The following GOLM2 variants were observed in gnomAD, a reference collection of about 807,000 sequenced individuals.
GOLM2 encodes the protein protein GOLM2.
Under a neutral mutation model 55.9 loss-of-function variants are expected in GOLM2, and 26 were observed. The ratio of observed to expected loss-of-function variants is 0.47; its 90% confidence interval spans 0.34 to 0.65. The LOEUF is 0.65. Among genes scored for constraint, GOLM2 ranks in the 30% least tolerant of loss-of-function variants. The pLI is 0.01. For synonymous variants in GOLM2, 165 were observed against 194.6 expected (o/e 0.85, Z 1.27); for missense variants, 486 against 531.8 (o/e 0.91, Z 0.85).
At chr15:44,350,625 G>A (rs1252594388) in intron 6 of GOLM2, among the ~76,000 whole-genome samples, 1 of 152,180 alleles carries the variant, frequency 6.6e-6, no homozygotes, top group Non-Finnish European at 1.5e-5. Context: ...CATTCTAGGA[G>A]ACGAGTAATA....
At chr15:44,321,280 T>C (rs560630408) in intron 1 of GOLM2, among the ~76,000 whole-genome samples, 1 of 152,112 alleles carries the variant, frequency 6.6e-6, no homozygotes, top group Admixed American at 6.5e-5. Flanking sequence ...AAGAACAGCC[T>C]GGACAACATA....
At chr15:44,390,408 A>G (rs775196493) in intron 8 of GOLM2, 2 of 152,194 alleles carry the variant, frequency 1.3e-5, no homozygotes, top group African/African-American at 2.4e-5. Context: ...TCCAAACAGT[A>G]GGGAGTGATT....
intron 6 of GOLM2, among the ~76,000 whole-genome samples, chr15:44,340,002 T>G (rs1470883914): frequency 1.3e-5 from 2 of 151,672 alleles, no homozygotes; most frequent in Non-Finnish European, 2.9e-5. Context: ...ATAGTTTTTT[T>G]GTAGAGATAA....
chr15:44,326,657 T>G (rs912076473), intron 2 of GOLM2, among the ~76,000 whole-genome samples: 29 of 149,748 alleles, frequency 1.9e-4, no homozygotes, highest in Admixed American at 3.3e-4. Flanking sequence ...ATTTATAGTT[T>G]TTTTTTTTTT....
At position 44,337,837 on chromosome 15, in the gene GOLM2, T is replaced by G; in HGVS notation, c.651T>G (p.Ile217Met). 6.2e-7 allele frequency: 1 copy of G among 1,605,478 alleles called. No individual in the cohort carries two copies. Among genetic ancestry groups the G allele is most frequent in the Non-Finnish European group, 8.5e-7 (1 of 1,177,828 alleles). The change falls in exon 5 of 10, where the codon ATT becomes ATG. Residue 217 changes from isoleucine to methionine, a missense_variant. Coordinates refer to ENST00000299957, the MANE Select transcript of GOLM2 (RefSeq NM_138423.4). ...ACAATCAAGTAGTACCTAAAAATAT[T>G]CCAAAAGTAGCTGAGAATGTTGCAG... ...DINNQVVPKN[I>M]PKVAENVADK...
rs1262446446 is a variant in GOLM2, at chr15:44,414,010, T to C, written c.*604T>C. On this transcript the variant is annotated 3_prime_UTR_variant, in exon 10 of 10. Coordinates refer to ENST00000299957, the MANE Select transcript of GOLM2 (RefSeq NM_138423.4). ...ATTTTTAATAGAGAGCTAATAATTG[T>C]ATATTTAATAAAGACGGGTTTCACC... is the stretch of plus-strand genomic sequence containing the variant. 2 of 152,118 alleles carry C rather than the reference T, an allele frequency of 1.3e-5. No homozygotes were observed. Among genetic ancestry groups the C allele is most frequent in the African/African-American group, 2.4e-5 (1 of 41,420 alleles). 9.4% of individuals were successfully genotyped at this position (152,118 alleles called of 1,614,324 possible).
intron 9 of GOLM2, among the ~76,000 whole-genome samples, chr15:44,407,309 A>G (rs1001505429): frequency 6.7e-6 from 1 of 149,804 alleles, no homozygotes; most frequent in African/African-American, 2.4e-5. Context: ...TCTGTCACCC[A>G]GGCTGGAGTG....
At chr15:44,336,210 G>A (rs1268220062) in intron 4 of GOLM2, among the ~76,000 whole-genome samples, 2 of 151,570 alleles carry the variant, frequency 1.3e-5, no homozygotes, top group African/African-American at 4.8e-5. Context: ...TCCGCCTCCC[G>A]GGTTTACGCC....
intron 6 of GOLM2, among the ~76,000 whole-genome samples, chr15:44,368,778 T>C (rs1028800994): frequency 1.3e-5 from 2 of 151,280 alleles, no homozygotes; most frequent in Admixed American, 1.3e-4. Context: ...TGTTTATAAG[T>C]TCTTGTCTGC....
rs1041466391 is a variant in GOLM2 at position 44,415,596 on chromosome 15, TAC to T, written c.*2192_*2193del. The T allele has an allele frequency of 5.2e-5, 8 of 152,632 alleles. No homozygotes were observed. Among genetic ancestry groups the T allele is most frequent in the African/African-American group, 1.9e-4 (8 of 41,466 alleles). 9.5% of individuals were successfully genotyped at this position (152,632 alleles called of 1,614,324 possible). ...TGAATCTCTTAAAAATCTGACATTT[TAC>T]AGTCTGTATTAGACATACTGTTTTT... On this transcript the variant is annotated 3_prime_UTR_variant, in exon 10 of 10. Transcript: ENST00000299957.
intron 3 of GOLM2, among the ~76,000 whole-genome samples, chr15:44,330,164 C>T (rs2079012753): frequency 6.9e-6 from 1 of 145,558 alleles, no homozygotes; most frequent in African/African-American, 2.5e-5. Flanking sequence ...CCCGCCTCGG[C>T]CTCCCAAAGT....
At chr15:44,387,648 G>A (rs2079455668) in intron 8 of GOLM2, among the ~76,000 whole-genome samples, 1 of 152,048 alleles carries the variant, frequency 6.6e-6, no homozygotes, top group Non-Finnish European at 1.5e-5. Context: ...TGTAATCCCA[G>A]CTACTTGGGA....
At chr15:44,331,037 T>A (rs538960493) in intron 3 of GOLM2, among the ~76,000 whole-genome samples, 11 of 152,246 alleles carry the variant, frequency 7.2e-5, no homozygotes, top group African/African-American at 2.4e-4. Flanking sequence ...TTTTTGAGAC[T>A]GAGTCTGTTT....
At chr15:44,351,576 CAAAAAAAAAAAAA>C (rs1175016633) in intron 6 of GOLM2, among the ~76,000 whole-genome samples, 2 of 45,904 alleles carry the variant, frequency 4.4e-5, no homozygotes, top group Non-Finnish European at 8.5e-5. Context: ...GACTCTGTCT[CAAAAAAAAAAAAA>C]AAAAAAAAAC....
At chr15:44,300,911 C>CAGAGCA in intron 1 of GOLM2, among the ~76,000 whole-genome samples, 2 of 152,254 alleles carry the variant, frequency 1.3e-5, no homozygotes, top group East Asian at 3.9e-4. Flanking sequence ...CAGGTAGTTC[C>CAGAGCA]TCTTTTGAAC....
intron 6 of GOLM2, among the ~76,000 whole-genome samples, chr15:44,342,586 C>A (rs2079097091): frequency 6.6e-6 from 1 of 152,164 alleles, no homozygotes; most frequent in Non-Finnish European, 1.5e-5. Context: ...ATTTGAAGCT[C>A]TTTAAACTAT....
At chr15:44,302,207 C>T (rs533183899) in intron 1 of GOLM2, among the ~76,000 whole-genome samples, 2 of 150,362 alleles carry the variant, frequency 1.3e-5, no homozygotes, top group East Asian at 2.0e-4. Flanking sequence ...TGCAGTGTCA[C>T]GATCTTGGCT....
intron 6 of GOLM2, among the ~76,000 whole-genome samples, chr15:44,369,116 T>A (rs868616515): frequency 1.0e-5 from 1 of 95,778 alleles, no homozygotes; most frequent in African/African-American, 4.0e-5. Context: ...TATATATATA[T>A]ACCCGGCTAC....
intron 6 of GOLM2, chr15:44,354,884 T>A (rs1466600096): frequency 6.4e-6 from 1 of 155,282 alleles, no homozygotes; most frequent in Non-Finnish European, 1.4e-5. Flanking sequence ...AGGCTGAGAA[T>A]CACAAGTTTG....
Sources: allele counts gnomAD v4.1 joint callset (sites outside exome capture counted in the v4.1 genomes callset), GRCh38; gene constraint gnomAD v4.1.1; transcripts MANE v1.5; gene names NCBI Gene and HGNC (gene_info 2026-07-23, HGNC 2026-07-21).